IQCJ: variants seen among roughly 807,000 people sequenced by gnomAD.
IQCJ encodes the protein IQ domain-containing protein J.
Under a neutral mutation model 11.0 loss-of-function variants are expected in IQCJ, and 9 were observed. The observed-to-expected ratio is 0.82, with a 90% CI of 0.49 to 1.43. The LOEUF is 1.43. IQCJ is among the 40% of genes most tolerant of loss of function. The pLI, the probability that IQCJ is intolerant of heterozygous loss-of-function variation, is 0.00. For missense variants in IQCJ, 146 were observed against 133.2 expected (o/e 1.10, Z -0.47); for synonymous variants, 55 against 51.3 (o/e 1.07, Z -0.31).
At position 159,190,499 on chromosome 3, in the gene IQCJ, A is replaced by T. The variant is rs184130920; in HGVS notation, c.10-55344A>T. Among the ~76,000 whole-genome samples, 785 of 152,340 alleles carry T rather than the reference A, an allele frequency of 5.2e-3. 7 individuals are homozygous for T. Among genetic ancestry groups the T allele is most frequent in the Non-Finnish European group, 8.4e-3 (571 of 68,028 alleles). On this transcript the variant is annotated intron_variant, in intron 1 of 3. Transcript: ENST00000397832. ...GAAGCTGAGGAGAGGCGCATGAATC[A>T]TAAGTAGGAAGGACTGCTTCAGAGG...
chr3:159,090,460 T>C (rs1305499387), intron 1 of IQCJ, among the ~76,000 whole-genome samples: 1 of 151,862 alleles, frequency 6.6e-6, no homozygotes, highest in Non-Finnish European at 1.5e-5. Context: ...TACAAGATTG[T>C]TGGATGCTGG....
At chr3:159,163,236 G>T (rs1285822961) in intron 1 of IQCJ, among the ~76,000 whole-genome samples, 1 of 152,152 alleles carries the variant, frequency 6.6e-6, no homozygotes, top group East Asian at 1.9e-4. Context: ...TGATCAAGTG[G>T]GCTTCAGCCC....
chr3:159,156,252 C>A (rs1721515877), intron 1 of IQCJ, among the ~76,000 whole-genome samples: 2 of 152,012 alleles, frequency 1.3e-5, no homozygotes, highest in Admixed American at 6.6e-5. Flanking sequence ...TCTAATTTTA[C>A]TGGGAAGATT....
chr3:159,092,532 T>C (rs1717391160), intron 1 of IQCJ, among the ~76,000 whole-genome samples: 1 of 151,748 alleles, frequency 6.6e-6, no homozygotes, highest in Non-Finnish European at 1.5e-5. Context: ...ACCCCCTCTC[T>C]ACTAAAATAT....
chr3:159,252,229 A>T (rs1012221342), intron 2 of IQCJ, among the ~76,000 whole-genome samples: 1 of 152,116 alleles, frequency 6.6e-6, no homozygotes, highest in Non-Finnish European at 1.5e-5. Context: ...AGCAGTGATC[A>T]TTTCTCTATA....
intron 1 of IQCJ, among the ~76,000 whole-genome samples, chr3:159,201,476 T>C (rs976751646): frequency 5.9e-5 from 9 of 151,690 alleles, no homozygotes; most frequent in Admixed American, 2.0e-4. Context: ...TCAATGCATC[T>C]ATGTAAGCAC....
At chr3:159,253,831 A>G (rs1335069204) in intron 3 of IQCJ, among the ~76,000 whole-genome samples, 1 of 152,206 alleles carries the variant, frequency 6.6e-6, no homozygotes, top group African/African-American at 2.4e-5. Flanking sequence ...TGGACTTAGG[A>G]ACTAAAACAG....
intron 3 of IQCJ, among the ~76,000 whole-genome samples, chr3:159,259,362 C>G (rs1396647240): frequency 6.6e-6 from 1 of 152,136 alleles, no homozygotes; most frequent in Non-Finnish European, 1.5e-5. Flanking sequence ...ACAACATGTG[C>G]TTTCTTACTT....
intron 1 of IQCJ, among the ~76,000 whole-genome samples, chr3:159,155,910 C>T (rs971490031): frequency 2.0e-5 from 3 of 152,210 alleles, no homozygotes; most frequent in Non-Finnish European, 4.4e-5. Flanking sequence ...GATGGGCGCT[C>T]AGTGTACATT....
intron 1 of IQCJ, among the ~76,000 whole-genome samples, chr3:159,180,988 C>A (rs1276546073): frequency 2.0e-5 from 3 of 151,926 alleles, no homozygotes; most frequent in African/African-American, 7.3e-5. Context: ...AAAATATATT[C>A]TTGATTAAAC....
At chr3:159,260,811 T>TAAA (rs201368036) in intron 3 of IQCJ, among the ~76,000 whole-genome samples, 1 of 149,054 alleles carries the variant, frequency 6.7e-6, no homozygotes, top group South Asian at 2.1e-4. Context: ...AAGAGTCCTT[T>TAAA]AAAAAAAAAA....
intron 1 of IQCJ, among the ~76,000 whole-genome samples, chr3:159,161,138 A>G (rs1721828386): frequency 6.6e-6 from 1 of 151,820 alleles, no homozygotes; most frequent in African/African-American, 2.4e-5. Flanking sequence ...ACTAGTTTAC[A>G]GTCCCACCAA....
chr3:159,246,994 T>A (rs1270196350), intron 2 of IQCJ, among the ~76,000 whole-genome samples: 1 of 152,190 alleles, frequency 6.6e-6, no homozygotes, highest in Non-Finnish European at 1.5e-5. Flanking sequence ...GCATCACACC[T>A]TTCCTCACTC....
At chr3:159,159,563 C>T (rs765638902) in intron 1 of IQCJ, among the ~76,000 whole-genome samples, 18 of 152,116 alleles carry the variant, frequency 1.2e-4, no homozygotes, top group Non-Finnish European at 2.4e-4. Context: ...ATTTTAATAA[C>T]TATATTCCAT....
At chr3:159,174,523 A>G (rs1722667813) in intron 1 of IQCJ, among the ~76,000 whole-genome samples, 1 of 152,140 alleles carries the variant, frequency 6.6e-6, no homozygotes, top group Non-Finnish European at 1.5e-5. Flanking sequence ...GAAGTGGATC[A>G]TTAAGAATAT....
chr3:159,108,769 A>G (rs1339821392), intron 1 of IQCJ, among the ~76,000 whole-genome samples: 2 of 152,236 alleles, frequency 1.3e-5, no homozygotes, highest in African/African-American at 4.8e-5. Context: ...CCACTTGGTC[A>G]CAGTAGCAAC....
At chr3:159,214,383 G>A (rs555561426) in intron 1 of IQCJ, among the ~76,000 whole-genome samples, 23 of 152,218 alleles carry the variant, frequency 1.5e-4, no homozygotes, top group Admixed American at 9.8e-4. Flanking sequence ...CCTCACTGTC[G>A]TTGCCTTAGT....
intron 1 of IQCJ, among the ~76,000 whole-genome samples, chr3:159,092,856 G>A (rs1335398254): frequency 6.6e-6 from 1 of 151,418 alleles, no homozygotes; most frequent in Non-Finnish European, 1.5e-5. Context: ...CTTATTCTTA[G>A]GAGACATGTG....
At chr3:159,135,908 G>C (rs781684894) in intron 1 of IQCJ, among the ~76,000 whole-genome samples, 1 of 152,140 alleles carries the variant, frequency 6.6e-6, no homozygotes, top group African/African-American at 2.4e-5. Context: ...AAACAAGTAC[G>C]CAGAACTTAA....
Sources: allele counts gnomAD v4.1 joint callset (sites outside exome capture counted in the v4.1 genomes callset), GRCh38; gene constraint gnomAD v4.1.1; transcripts MANE v1.5; gene names NCBI Gene and HGNC (gene_info 2026-07-23, HGNC 2026-07-21).